The following BUB1B variants were observed in gnomAD, a reference collection of about 807,000 sequenced individuals.
The protein encoded by BUB1B is BUB1 mitotic checkpoint serine/threonine kinase B.
In BUB1B, 86 loss-of-function variants were observed where a neutral mutation model predicts 137.7. The observed-to-expected ratio is 0.62, with a 90% CI of 0.52 to 0.75. The LOEUF (loss-of-function observed/expected upper bound fraction) is 0.75, where lower values mean the gene tolerates loss of function less well. Ranked by LOEUF, BUB1B falls within the 30% of genes least tolerant of loss-of-function variation. BUB1B has a pLI of 0.00. For missense variants in BUB1B, 1,130 were observed against 1,236.9 expected (o/e 0.91, Z 1.30); for synonymous variants, 420 against 417.9 (o/e 1.00, Z -0.06).
At chr15:40,186,216 T>A (rs1329297292) in intron 8 of BUB1B, among the ~76,000 whole-genome samples, 1 of 152,274 alleles carries the variant, frequency 6.6e-6, no homozygotes, top group African/African-American at 2.4e-5. Context: ...AGGGAAAAGA[T>A]AATGTGATTT....
intron 12 of BUB1B, among the ~76,000 whole-genome samples, chr15:40,201,813 C>T (rs866443136): frequency 6.6e-6 from 1 of 151,966 alleles, no homozygotes. Flanking sequence ...ACTACAGGCG[C>T]CCACCACCAC....
intron 5 of BUB1B, among the ~76,000 whole-genome samples, chr15:40,179,967 C>CATATATATATATAT (rs34339420): frequency 2.6e-4 from 38 of 143,548 alleles, no homozygotes; most frequent in African/African-American, 9.3e-4. Context: ...TTTCAAAAGC[C>CATATATATATATAT]ATATATATAT....
At chr15:40,205,076 AGCTGGGATTACAGGC>A (rs2037621209) in intron 14 of BUB1B, among the ~76,000 whole-genome samples, 1 of 150,298 alleles carries the variant, frequency 6.7e-6, no homozygotes, top group African/African-American at 2.5e-5. Flanking sequence ...CCTCCCGAGT[AGCTGGGATTACAGGC>A]GCCCACCACC....
intron 21 of BUB1B, among the ~76,000 whole-genome samples, chr15:40,218,025 T>C (rs2037823738): frequency 6.6e-6 from 1 of 152,248 alleles, no homozygotes; most frequent in African/African-American, 2.4e-5. Flanking sequence ...AAGTAATGTA[T>C]ATAAAAAGAA....
chr15:40,195,691 GT>G (rs2037489509), intron 8 of BUB1B, among the ~76,000 whole-genome samples: 1 of 152,160 alleles, frequency 6.6e-6, no homozygotes, highest in East Asian at 1.9e-4. Context: ...GGAGTAAGGG[GT>G]TATTGCGTTG....
In BUB1B at chr15:40,200,298, T is replaced by G. The variant is rs746070303; in HGVS notation, c.1456T>G (p.Ser486Ala). 1 of 1,613,844 alleles carries G rather than the reference T, an allele frequency of 6.2e-7. No individual in the cohort carries two copies. Among genetic ancestry groups the G allele is most frequent in the Non-Finnish European group, 8.5e-7 (1 of 1,179,894 alleles). The change falls in exon 11 of 23, where the codon TCT becomes GCT. Residue 486 changes from serine to alanine, a missense_variant. Coordinates refer to ENST00000287598, the MANE Select transcript of BUB1B (RefSeq NM_001211.6). ...ETTKLQIASE[S>A]QKIPGMTLSS... is the part of the protein sequence containing the mutation. ...AACTAAACTGCAAATTGCTTCCGAGTCTCAGAAAATACCAGGAATGACTCT... is the reference window on the plus strand; with the variant it reads ...AACTAAACTGCAAATTGCTTCCGAGGCTCAGAAAATACCAGGAATGACTCT...
intron 2 of BUB1B, among the ~76,000 whole-genome samples, chr15:40,168,666 G>A (rs922103655): frequency 6.6e-6 from 1 of 152,160 alleles, no homozygotes; most frequent in African/African-American, 2.4e-5. Flanking sequence ...AGTGGCTGGA[G>A]TAGATGGAAT....
chr15:40,196,515 A>G (rs755827102), intron 8 of BUB1B, 30 bp from the exon 9 acceptor site: 5 of 1,547,406 alleles, frequency 3.2e-6, no homozygotes, highest in East Asian at 2.2e-5. Flanking sequence ...ATTTTGACCC[A>G]TATGAATAAT....
chr15:40,211,122 C>T (rs546914992), intron 18 of BUB1B, among the ~76,000 whole-genome samples: 1 of 152,094 alleles, frequency 6.6e-6, no homozygotes, highest in South Asian at 2.1e-4. Context: ...TTTTTTTCTC[C>T]TATATTCTCT....
intron 8 of BUB1B, among the ~76,000 whole-genome samples, chr15:40,196,239 G>C (rs756717678): frequency 6.6e-6 from 1 of 152,170 alleles, no homozygotes; most frequent in Non-Finnish European, 1.5e-5. Context: ...TTGTTGAATA[G>C]AGTATCTTTC....
rs144241907 is a variant in BUB1B, at chr15:40,194,052, A to C, written c.1059-2493A>C. Among the ~76,000 whole-genome samples the C allele has an allele frequency of 2.4e-3, 367 of 152,110 alleles. 2 individuals are homozygous for C. Among genetic ancestry groups the C allele is most frequent in the African/African-American group, 8.4e-3 (347 of 41,504 alleles). On this transcript the variant is annotated intron_variant, in intron 8 of 22. Coordinates refer to ENST00000287598, the MANE Select transcript of BUB1B (RefSeq NM_001211.6). ...TGTCTTCTCTCACTTCCTTATTTTAAATTTATTGTGAAGTATTTTACTATT... is the reference window on the plus strand; with the variant it reads ...TGTCTTCTCTCACTTCCTTATTTTACATTTATTGTGAAGTATTTTACTATT...
rs748376966 is a variant in BUB1B at position 40,185,337 on chromosome 15, G to A, written c.924G>A (p.Leu308=). The change falls in exon 7 of 23, where the codon CTG becomes CTA. Residue 308 remains leucine, a synonymous_variant. Coordinates refer to ENST00000287598, the MANE Select transcript of BUB1B (RefSeq NM_001211.6). The stretch of plus-strand genomic sequence containing the variant: ...TGCCCAGGGCCAAAGAGAATGAGCT[G>A]CAAGCAGGCCCTTGGAACACAGGCA... ...PPMPRAKENE[L]QAGPWNTGRS... is the part of the protein sequence containing the mutation. 2 of 1,614,198 alleles carry A rather than the reference G, an allele frequency of 1.2e-6. No homozygotes were observed. The highest frequency in any genetic ancestry group is 1.7e-6 in the Non-Finnish European group (2 of 1,180,032).
chr15:40,164,948 C>T, intron 1 of BUB1B, 105 bp from the exon 2 acceptor site: 1 of 1,416,818 alleles, frequency 7.1e-7, no homozygotes, highest in Non-Finnish European at 9.8e-7. Context: ...CCACTATATT[C>T]AACCCAAGAC....
intron 8 of BUB1B, 29 bp from the exon 9 acceptor site, chr15:40,196,516 T>C: frequency 6.4e-7 from 1 of 1,553,476 alleles, no homozygotes; most frequent in Non-Finnish European, 8.9e-7. Context: ...TTTTGACCCA[T>C]ATGAATAATA....
chr15:40,219,538 C>T (rs771631448), intron 22 of BUB1B, among the ~76,000 whole-genome samples: 27 of 151,990 alleles, frequency 1.8e-4, no homozygotes, highest in Non-Finnish European at 3.1e-4. Flanking sequence ...GGCAACATGG[C>T]GAAACCTTGT....
At chr15:40,162,018 C>A (rs1171622199) in intron 1 of BUB1B, among the ~76,000 whole-genome samples, 1 of 151,566 alleles carries the variant, frequency 6.6e-6, no homozygotes, top group Non-Finnish European at 1.5e-5. Flanking sequence ...GGGAGTCAGA[C>A]AATAAAGACA....
At chr15:40,177,615 T>C (rs1469602305) in intron 5 of BUB1B, among the ~76,000 whole-genome samples, 1 of 152,116 alleles carries the variant, frequency 6.6e-6, no homozygotes, top group Non-Finnish European at 1.5e-5. Flanking sequence ...CCATGCTATC[T>C]AGATTACTAT....
intron 4 of BUB1B, among the ~76,000 whole-genome samples, chr15:40,173,365 A>G (rs1314672729): frequency 1.3e-5 from 2 of 151,220 alleles, no homozygotes; most frequent in Non-Finnish European, 2.9e-5. Flanking sequence ...CCAGGATTCT[A>G]TGATTATATT....
chr15:40,206,547 T>G, intron 15 of BUB1B, 89 bp downstream of exon 15: 2 of 1,539,358 alleles, frequency 1.3e-6, no homozygotes, highest in East Asian at 2.2e-5. Flanking sequence ...AGTTATCAAG[T>G]TCTTACTAAC....
Sources: allele counts gnomAD v4.1 joint callset (sites outside exome capture counted in the v4.1 genomes callset), GRCh38; gene constraint gnomAD v4.1.1; transcripts MANE v1.5; gene names NCBI Gene and HGNC (gene_info 2026-07-23, HGNC 2026-07-21).